The following DLC1 variants were observed in gnomAD, a reference collection of about 807,000 sequenced individuals.
DLC1 encodes the protein rho GTPase-activating protein 7.
A neutral mutation model predicts 140.3 loss-of-function variants in DLC1; 54 were observed. The ratio of observed to expected loss-of-function variants is 0.38; its 90% CI spans 0.31 to 0.48. The LOEUF is 0.48. Among genes scored for constraint, DLC1 ranks in the 20% least tolerant of loss-of-function variants. DLC1 has a pLI of 0.96. For missense variants in DLC1, 2,536 were observed against 1,907.0 expected (o/e 1.33, Z -6.14); for synonymous variants, 986 against 728.1 (o/e 1.35, Z -5.70).
At chr8:13,294,710 G>A (rs1202990071) in intron 5 of DLC1, among the ~76,000 whole-genome samples, 1 of 152,166 alleles carries the variant, frequency 6.6e-6, no homozygotes, top group Admixed American at 6.5e-5. Flanking sequence ...TTATTCATCA[G>A]CCTGAGAAGT....
intron 5 of DLC1, among the ~76,000 whole-genome samples, chr8:13,195,557 G>A (rs558419107): frequency 3.9e-5 from 6 of 152,202 alleles, no homozygotes; most frequent in African/African-American, 1.4e-4. Flanking sequence ...AGAAAATTTT[G>A]TAGGTTCTTT....
intron 2 of DLC1, among the ~76,000 whole-genome samples, chr8:13,452,104 C>A (rs901568119): frequency 2.0e-5 from 3 of 151,636 alleles, no homozygotes; most frequent in Non-Finnish European, 2.9e-5. Context: ...CTTTTAAAAT[C>A]TTATATAAAA....
At chr8:13,464,626 C>A (rs1487788328) in intron 2 of DLC1, among the ~76,000 whole-genome samples, 1 of 151,786 alleles carries the variant, frequency 6.6e-6, no homozygotes, top group Non-Finnish European at 1.5e-5. Flanking sequence ...CAATGACTTC[C>A]ATTTACCTTT....
At chr8:13,581,716 G>A (rs1805105573) in intron 1 of DLC1, among the ~76,000 whole-genome samples, 1 of 152,050 alleles carries the variant, frequency 6.6e-6, no homozygotes. Flanking sequence ...TCAGATTACT[G>A]GGCAGAATCT....
At chr8:13,424,356 G>A (rs1838456041) in intron 2 of DLC1, among the ~76,000 whole-genome samples, 1 of 151,982 alleles carries the variant, frequency 6.6e-6, no homozygotes, top group Admixed American at 6.6e-5. Context: ...AGGTATGGTG[G>A]TGCACACCTG....
At chr8:13,360,233 A>T (rs188710284) in intron 4 of DLC1, among the ~76,000 whole-genome samples, 1 of 144,590 alleles carries the variant, frequency 6.9e-6, no homozygotes, top group East Asian at 2.1e-4. Context: ...TACATAAAAC[A>T]CTCAGTACAG....
At chr8:13,267,865 C>T (rs1208851368) in intron 5 of DLC1, among the ~76,000 whole-genome samples, 1 of 151,856 alleles carries the variant, frequency 6.6e-6, no homozygotes. Flanking sequence ...TTTCAAAAAT[C>T]ACCAACCAGG....
intron 5 of DLC1, among the ~76,000 whole-genome samples, chr8:13,266,904 G>A (rs1006177932): frequency 2.0e-5 from 3 of 152,164 alleles, no homozygotes; most frequent in Admixed American, 6.5e-5. Context: ...TGGCTTCATC[G>A]CCAGTCTTCC....
chr8:13,251,760 G>A (rs561903172), intron 5 of DLC1, among the ~76,000 whole-genome samples: 47 of 152,156 alleles, frequency 3.1e-4, no homozygotes, highest in African/African-American at 1.1e-3. Context: ...TAAAATGGGG[G>A]ATAATCCCAT....
intron 4 of DLC1, among the ~76,000 whole-genome samples, chr8:13,330,391 T>C (rs1323338188): frequency 6.6e-6 from 1 of 152,220 alleles, no homozygotes; most frequent in Non-Finnish European, 1.5e-5. Flanking sequence ...TTTTACATAT[T>C]CAATGGAATC....
intron 5 of DLC1, among the ~76,000 whole-genome samples, chr8:13,139,691 C>T (rs1822831098): frequency 6.6e-6 from 1 of 152,264 alleles, no homozygotes; most frequent in Admixed American, 6.5e-5. Context: ...CAAGGCCTCC[C>T]TGCCAGAAAA....
Position 13,591,314 on chromosome 8 carries a change from C to T in DLC1, c.-126+13223G>A, listed in dbSNP as rs950649865. Among the ~76,000 whole-genome samples, 16 of 152,068 alleles carry T rather than the reference C, an allele frequency of 1.1e-4. No homozygotes were observed. In the East Asian group the frequency reaches 1.7e-3, roughly 17 times the overall value. ...TAATCCCCACATATCATGGGAGGGA[C>T]GCAGTGGGAGGTAATTAAATCATGG... is the stretch of plus-strand genomic sequence containing the variant. On this transcript the variant is annotated intron_variant, in intron 1 of 1. Coordinates refer to the DLC1 transcript ENST00000631382.
chr8:13,114,017 G>C (rs1349705718), intron 6 of DLC1, among the ~76,000 whole-genome samples: 1 of 152,314 alleles, frequency 6.6e-6, no homozygotes, highest in East Asian at 1.9e-4. Flanking sequence ...GTTCATAGCT[G>C]TAATTATTTT....
Position 13,468,339 on chromosome 8 carries a change from T to TCCCC in DLC1, c.1023+30709_1023+30710insGGGG, listed in dbSNP as rs1563373506. 1.5e-4 allele frequency among the ~76,000 whole-genome samples: 9 copies of TCCCC among 59,912 alleles called. 1 individual carries two copies. The highest frequency in any genetic ancestry group is 2.1e-4 in the Non-Finnish European group (6 of 27,968). 39.3% of individuals were successfully genotyped at this position (59,912 alleles called of 152,430 possible). A position where few individuals can be genotyped will look rare whatever the true frequency, so the allele number is the denominator to read the frequency against. On this transcript the variant is annotated intron_variant, in intron 2 of 17. Transcript: ENST00000276297. ...TTTCTCTCTCTTTCCCTTCCCCCCA[T>TCCCC]TCCCCTCCCCTCCCCTCCCCTCCCC...
intron 5 of DLC1, among the ~76,000 whole-genome samples, chr8:13,179,306 T>C (rs1825916139): frequency 6.8e-6 from 1 of 147,292 alleles, no homozygotes; most frequent in African/African-American, 2.7e-5. Flanking sequence ...TCTGCAGAGT[T>C]GGTTGGTAAT....
At chr8:13,584,509 G>A (rs905413966) in intron 1 of DLC1, 2 of 152,180 alleles carry the variant, frequency 1.3e-5, no homozygotes, top group African/African-American at 4.8e-5. Flanking sequence ...TCATTTGACT[G>A]TAGAATTTGG....
intron 5 of DLC1, among the ~76,000 whole-genome samples, chr8:13,150,137 C>G (rs1396044443): frequency 6.8e-6 from 1 of 147,866 alleles, no homozygotes; most frequent in African/African-American, 2.5e-5. Flanking sequence ...CTCCAGCCCT[C>G]TTAGACAGCT....
At chr8:13,314,948 A>G (rs1355620081) in intron 4 of DLC1, among the ~76,000 whole-genome samples, 1 of 152,220 alleles carries the variant, frequency 6.6e-6, no homozygotes, top group Admixed American at 6.5e-5. Context: ...CCTAAAATGT[A>G]CACCATGATA....
At chr8:13,248,852 A>G (rs1368214860) in intron 5 of DLC1, among the ~76,000 whole-genome samples, 1 of 152,094 alleles carries the variant, frequency 6.6e-6, no homozygotes, top group African/African-American at 2.4e-5. Flanking sequence ...TAAAGCTGCA[A>G]TTCACCTTTT....
Sources: allele counts gnomAD v4.1 joint callset (sites outside exome capture counted in the v4.1 genomes callset), GRCh38; gene constraint gnomAD v4.1.1; transcripts MANE v1.5; gene names NCBI Gene and HGNC (gene_info 2026-07-23, HGNC 2026-07-21).